Variants in ROCK1 observed in about 807,000 individuals in gnomAD.
ROCK1 encodes rho-associated protein kinase 1.
Under a neutral mutation model 196.8 loss-of-function variants are expected in ROCK1, and 36 were observed. The ratio of observed to expected loss-of-function variants is 0.18; its 90% CI spans 0.14 to 0.24. The LOEUF (loss-of-function observed/expected upper bound fraction) is 0.24, where lower values mean the gene tolerates loss of function less well. Among genes scored for constraint, ROCK1 ranks in the 10% least tolerant of loss-of-function variants. The pLI is 1.00. For synonymous variants in ROCK1, 443 were observed against 515.9 expected (o/e 0.86, Z 1.91); for missense variants, 920 against 1,562.0 (o/e 0.59, Z 6.93).
intron 9 of ROCK1, among the ~76,000 whole-genome samples, chr18:21,036,920 T>C (rs1401632973): frequency 6.6e-6 from 1 of 151,516 alleles, no homozygotes; most frequent in Non-Finnish European, 1.5e-5. Context: ...ATAAATGTTA[T>C]TTTTTTTCCC....
chr18:21,008,206 AT>A lies in ROCK1; in HGVS notation c.1411-13del. On this transcript the variant is annotated splice_polypyrimidine_tract_variant and intron_variant, in intron 13 of 32. Coordinates refer to ENST00000399799, the MANE Select transcript of ROCK1 (RefSeq NM_005406.3). The stretch of plus-strand genomic sequence containing the variant: ...CTTCTTTGATTTCCCTGGAATTATA[AT>A]GATAAAAGTTACCACTGTGATTAAT... 6.4e-7 allele frequency: 1 copy of A among 1,562,334 alleles called. No homozygotes were observed. The highest frequency in any genetic ancestry group is 8.7e-7 in the Non-Finnish European group (1 of 1,152,266).
intron 2 of ROCK1, among the ~76,000 whole-genome samples, chr18:21,052,954 G>A (rs2143522879): frequency 6.6e-6 from 1 of 152,222 alleles, no homozygotes; most frequent in Admixed American, 6.5e-5. Flanking sequence ...AAGAAAATAA[G>A]ACCAAGCTTT....
chr18:20,959,103 T>TATTATATAA (rs1568367416), intron 29 of ROCK1, among the ~76,000 whole-genome samples: 1 of 17,548 alleles, frequency 5.7e-5, no homozygotes, highest in South Asian at 1.5e-3. Flanking sequence ...AATATATATA[T>TATTATATAA]TATATATATA....
intron 9 of ROCK1, 59 bp from the exon 10 acceptor site, chr18:21,028,994 C>T: frequency 6.6e-7 from 1 of 1,508,172 alleles, no homozygotes; most frequent in Non-Finnish European, 9.1e-7. Flanking sequence ...TAAAGTGAAG[C>T]ACATTCCATA....
At chr18:21,086,189 G>A (rs1381111484) in intron 1 of ROCK1, among the ~76,000 whole-genome samples, 1 of 148,990 alleles carries the variant, frequency 6.7e-6, no homozygotes, top group Non-Finnish European at 1.5e-5. Flanking sequence ...TCGGCTCACT[G>A]CAACCTCCAC....
intron 12 of ROCK1, among the ~76,000 whole-genome samples, chr18:21,017,415 C>A (rs2035873216): frequency 6.6e-6 from 1 of 151,644 alleles, no homozygotes; most frequent in Non-Finnish European, 1.5e-5. Flanking sequence ...ATGTCTTGAT[C>A]TCCTGACCTT....
intron 2 of ROCK1, among the ~76,000 whole-genome samples, chr18:21,062,790 G>C (rs2036302802): frequency 6.6e-6 from 1 of 152,120 alleles, no homozygotes; most frequent in African/African-American, 2.4e-5. Context: ...CCCTCATAAA[G>C]CTGGAAATTT....
At position 20,961,694 on chromosome 18, in the gene ROCK1, T is replaced by TA. The variant is rs2035328128; in HGVS notation, c.3353-1489dup. Among the ~76,000 whole-genome samples, 3 of 152,130 alleles carry TA rather than the reference T, an allele frequency of 2.0e-5. No homozygotes were observed. The South Asian group carries it at 6.2e-4, about 31-fold the overall frequency. On this transcript the variant is annotated intron_variant, in intron 27 of 32. Transcript: ENST00000399799. ...ATTTTTTTCCCCTACTCCCACCAGG[T>TA]ACGTAATGTCTCCACACCTTTGCTT...
At chr18:21,017,929 C>T (rs1002068056) in intron 12 of ROCK1, among the ~76,000 whole-genome samples, 96 of 150,712 alleles carry the variant, frequency 6.4e-4, no homozygotes, top group East Asian at 1.8e-3. Context: ...GCTGAGATCA[C>T]GGCACTGCAC....
intron 23 of ROCK1, 64 bp from the exon 24 acceptor site, chr18:20,969,272 ACC>A: frequency 1.1e-6 from 1 of 919,620 alleles, no homozygotes; most frequent in Non-Finnish European, 1.7e-6. Context: ...TCAGGCAGTA[ACC>A]TTTAAATATA....
At chr18:20,984,290 C>T in intron 20 of ROCK1, 61 bp downstream of exon 20, 2 of 1,262,710 alleles carry the variant, frequency 1.6e-6, no homozygotes, top group Non-Finnish European at 1.1e-6. Flanking sequence ...AAATGTCAAA[C>T]ACACAAGTCA....
chr18:21,098,418 T>C (rs1220755966), intron 1 of ROCK1, among the ~76,000 whole-genome samples: 1 of 152,108 alleles, frequency 6.6e-6, no homozygotes, highest in African/African-American at 2.4e-5. Context: ...TTACCATACA[T>C]GATAAATTCC....
chr18:20,988,620 T>G (rs1445405845), intron 18 of ROCK1, among the ~76,000 whole-genome samples: 2 of 152,198 alleles, frequency 1.3e-5, no homozygotes, highest in Non-Finnish European at 2.9e-5. Context: ...CTATCACTTC[T>G]GCCTGTAATG....
chr18:21,093,859 G>A (rs778350372), intron 1 of ROCK1, among the ~76,000 whole-genome samples: 20 of 151,974 alleles, frequency 1.3e-4, no homozygotes, highest in Non-Finnish European at 2.9e-4. Context: ...GGGAGGCTGA[G>A]GCAGGAGGAT....
At chr18:20,981,478 G>A (rs972968902) in intron 21 of ROCK1, among the ~76,000 whole-genome samples, 1 of 152,106 alleles carries the variant, frequency 6.6e-6, no homozygotes, top group African/African-American at 2.4e-5. Flanking sequence ...CAGAACAATG[G>A]CTCTTACAAA....
chr18:20,968,916 TC>T (rs2035399937), intron 24 of ROCK1, 56 bp from the exon 25 acceptor site: 1 of 1,170,388 alleles, frequency 8.5e-7, no homozygotes, highest in Admixed American at 1.8e-5. Context: ...TTTCTGCATT[TC>T]AAACTAACAA....
At chr18:21,019,084 T>G (rs992313767) in intron 12 of ROCK1, among the ~76,000 whole-genome samples, 26 of 152,102 alleles carry the variant, frequency 1.7e-4, no homozygotes, top group African/African-American at 6.3e-4. Context: ...CATCAAAAAT[T>G]TAGTATATTT....
chr18:20,981,210 T>C (rs1292680283), intron 21 of ROCK1, among the ~76,000 whole-genome samples: 2 of 151,854 alleles, frequency 1.3e-5, no homozygotes, highest in East Asian at 1.9e-4. Flanking sequence ...CTGGTTAACA[T>C]GGTGAAACCC....
At chr18:21,071,386 G>C (rs1396032788) in intron 1 of ROCK1, among the ~76,000 whole-genome samples, 1 of 151,988 alleles carries the variant, frequency 6.6e-6, no homozygotes, top group Non-Finnish European at 1.5e-5. Context: ...ATATTGCCCA[G>C]GCTGGTCTTG....
Sources: gnomAD v4.1 joint callset for allele counts (sites outside exome capture counted in the v4.1 genomes callset) on GRCh38, gnomAD v4.1.1 for gene constraint, MANE v1.5 for transcripts, NCBI Gene and HGNC (gene_info 2026-07-23, HGNC 2026-07-21) for gene names.